The following CAPRIN1 variants were observed in gnomAD, a reference collection of about 807,000 sequenced individuals.
CAPRIN1 encodes caprin-1.
A neutral mutation model predicts 100.9 loss-of-function variants in CAPRIN1; 29 were observed. The observed-to-expected ratio is 0.29, with a 90% CI of 0.21 to 0.39. CAPRIN1 has a LOEUF of 0.39. Ranked by LOEUF, CAPRIN1 falls within the 10% of genes least tolerant of loss-of-function variation. CAPRIN1 has a pLI of 1.00. For synonymous variants in CAPRIN1, 338 were observed against 307.5 expected (o/e 1.10, Z -1.04); for missense variants, 795 against 876.7 (o/e 0.91, Z 1.18).
At chr11:34,052,954 A>G (rs1850360257) in intron 2 of CAPRIN1, 1 of 1,195,022 alleles carries the variant, frequency 8.4e-7, no homozygotes, top group Non-Finnish European at 1.0e-6. Context: ...TGTCGTCAGG[A>G]CTTCACTGTA....
intron 2 of CAPRIN1, among the ~76,000 whole-genome samples, chr11:34,067,037 C>G (rs889509267): frequency 6.6e-6 from 1 of 150,960 alleles, no homozygotes; most frequent in East Asian, 2.0e-4. Flanking sequence ...TCAAGTGATT[C>G]TCGTGCCTCA....
At chr11:34,098,672 C>T (rs983744333) in intron 18 of CAPRIN1, 11 of 985,230 alleles carry the variant, frequency 1.1e-5, no homozygotes, top group African/African-American at 1.7e-5. Flanking sequence ...CTAGAAGTAT[C>T]AAAGGATGTT....
At position 34,085,744 on chromosome 11, in the gene CAPRIN1, C is replaced by T. The variant is rs147507192; in HGVS notation, c.967-320C>T. Among the ~76,000 whole-genome samples, 587 of 152,136 alleles carry T rather than the reference C, an allele frequency of 3.9e-3. 18 individuals are homozygous for T. The highest frequency in any genetic ancestry group is 0.033 in the Admixed American group (499 of 15,280). ...GCTTGAACCCGGGAGATGGATGTTG[C>T]AGTGAGTCGAGATCCCGCCACTGCT... On this transcript the variant is annotated intron_variant, in intron 9 of 18. Coordinates refer to ENST00000341394, the MANE Select transcript of CAPRIN1 (RefSeq NM_005898.5).
intron 7 of CAPRIN1, 42 bp from the exon 8 acceptor site, chr11:34,082,783 C>A: frequency 2.0e-6 from 3 of 1,503,602 alleles, no homozygotes; most frequent in Non-Finnish European, 2.8e-6. Flanking sequence ...GTATCACTGA[C>A]CTAAAAATCC....
At chr11:34,092,165 A>G in intron 15 of CAPRIN1, 109 bp downstream of exon 15, 1 of 1,078,402 alleles carries the variant, frequency 9.3e-7, no homozygotes, top group Non-Finnish European at 1.3e-6. Context: ...TTTCTGTTTT[A>G]GTAGCAGACC....
intron 6 of CAPRIN1, among the ~76,000 whole-genome samples, chr11:34,079,306 A>G (rs965479282): frequency 6.6e-6 from 1 of 152,174 alleles, no homozygotes; most frequent in African/African-American, 2.4e-5. Flanking sequence ...TGGCTGAGGA[A>G]CAAGAATTGC....
rs1462194049 is a variant in CAPRIN1 at position 34,090,224 on chromosome 11, C to T, written c.1339C>T (p.Pro447Ser). The T allele has an allele frequency of 3.7e-6, 6 of 1,613,920 alleles. No homozygotes were observed. The South Asian group carries it at 6.6e-5, about 18-fold the overall frequency. ...AAGTGAGGGGTACACAGCATCTCAA[C>T]CCTTGTACCAGCCTTCTCATGCTAC... ...STSEGYTASQPLYQPSHATEQ... is the reference protein window; with the variant it reads ...STSEGYTASQSLYQPSHATEQ... Residue 447 changes from proline (P) to serine (S), a missense_variant, in exon 13 of 19, where the codon CCC becomes TCC. Physicochemically the swap from Pro to Ser is moderately conservative, Grantham distance 74. Coordinates refer to ENST00000341394, the MANE Select transcript of CAPRIN1 (RefSeq NM_005898.5).
intron 2 of CAPRIN1, among the ~76,000 whole-genome samples, chr11:34,062,144 A>G (rs1247629805): frequency 6.6e-6 from 1 of 152,058 alleles, no homozygotes; most frequent in Non-Finnish European, 1.5e-5. Context: ...AAATTGAGGA[A>G]ACTTTTGCTT....
In CAPRIN1 at chr11:34,088,382, C is replaced by T. The variant is rs146485229; in HGVS notation, c.1232-1013C>T. On this transcript the variant is annotated intron_variant, in intron 11 of 18. Transcript: ENST00000341394. ...TTGGTTATGTTAACATATATTGAGC[C>T]GGGTATGGTAGCTCATGCCTGTAAT... 4.4e-3 allele frequency among the ~76,000 whole-genome samples: 667 copies of T among 152,158 alleles called. 6 individuals carry two copies. Among genetic ancestry groups the T allele is most frequent in the African/African-American group, 0.015 (622 of 41,496 alleles).
At chr11:34,066,691 TGCAGTG>T (rs146392079) in intron 2 of CAPRIN1, among the ~76,000 whole-genome samples, 15,425 of 151,552 alleles carry the variant, frequency 0.1, 835 homozygotes, top group African/African-American at 0.15. Context: ...CAGGCTGGAG[TGCAGTG>T]GCAGTGGCAT....
Position 34,099,517 on chromosome 11 carries a change from T to G in CAPRIN1, c.*150T>G. The G allele has an allele frequency of 1.5e-6, 1 of 663,368 alleles. No homozygotes were observed. The allele number at this position is 663,368 out of a possible 1,614,324, so 41.1% of individuals were successfully genotyped here. On this transcript the variant is annotated 3_prime_UTR_variant, in exon 19 of 19. Coordinates refer to ENST00000341394, the MANE Select transcript of CAPRIN1 (RefSeq NM_005898.5). ...TCATCCCATAAAGACAGGACTACAA[T>G]TGTCAGCTTTCTATTACCTGGATAT... is the stretch of plus-strand genomic sequence containing the variant.
At position 34,090,296 on chromosome 11, in the gene CAPRIN1, T is replaced by A. The variant is rs1851237177; in HGVS notation, c.1404+7T>A. On this transcript the variant is annotated splice_region_variant and intron_variant, in intron 13 of 18. Coordinates refer to ENST00000341394, the MANE Select transcript of CAPRIN1 (RefSeq NM_005898.5). ...ACCAATTGATCAGATTCAGGCAAGT[T>A]CTGTTACCGGGTCACATACATTTGA... is the stretch of plus-strand genomic sequence containing the variant. 1 of 1,584,120 alleles carries A rather than the reference T, an allele frequency of 6.3e-7. No individual in the cohort carries two copies. The highest frequency in any genetic ancestry group is 1.7e-4 in the Middle Eastern group (1 of 5,998).
chr11:34,084,323 T>G (rs1347568582), intron 9 of CAPRIN1, among the ~76,000 whole-genome samples: 1 of 152,028 alleles, frequency 6.6e-6, no homozygotes, highest in African/African-American at 2.4e-5. Flanking sequence ...ATTGGTAAGG[T>G]AAAGAGAGTA....
chr11:34,080,186 G>A (rs954688093), intron 7 of CAPRIN1, among the ~76,000 whole-genome samples: 10 of 152,138 alleles, frequency 6.6e-5, no homozygotes, highest in African/African-American at 2.4e-4. Flanking sequence ...GCCTCCCAAA[G>A]TGCTGAGATT....
At chr11:34,089,965 G>C (rs1479177942) in intron 12 of CAPRIN1, 1 of 327,100 alleles carries the variant, frequency 3.1e-6, no homozygotes. Flanking sequence ...AACGAGACTT[G>C]GGTTTATTTA....
chr11:34,077,385 T>C (rs531672153), intron 6 of CAPRIN1, among the ~76,000 whole-genome samples: 1 of 152,380 alleles, frequency 6.6e-6, no homozygotes, highest in East Asian at 1.9e-4. Flanking sequence ...TTAGTTTTTC[T>C]TTAGTTTGTC....
Position 34,099,428 on chromosome 11 carries a change from T to C in CAPRIN1, c.*61T>C, listed in dbSNP as rs1565100187. ...ACACTGGCCAGTGTACCATAATATG[T>C]TACCAGAAGAGTTATTATCTATTTG... On this transcript the variant is annotated 3_prime_UTR_variant, in exon 19 of 19. Coordinates refer to ENST00000341394, the MANE Select transcript of CAPRIN1 (RefSeq NM_005898.5). 1.5e-6 allele frequency: 2 copies of C among 1,316,972 alleles called. No individual in the cohort carries two copies. The highest frequency in any genetic ancestry group is 2.2e-6 in the Non-Finnish European group (2 of 911,180). 81.6% of individuals were successfully genotyped at this position (1,316,972 alleles called of 1,614,324 possible).
At chr11:34,067,018 C>T (rs888604876) in intron 2 of CAPRIN1, among the ~76,000 whole-genome samples, 2 of 151,410 alleles carry the variant, frequency 1.3e-5, no homozygotes, top group Admixed American at 6.6e-5. Flanking sequence ...TAGTCTCCAC[C>T]TCCTGGGTTC....
intron 2 of CAPRIN1, among the ~76,000 whole-genome samples, chr11:34,070,949 A>C (rs1850794481): frequency 6.6e-6 from 1 of 152,028 alleles, no homozygotes; most frequent in Non-Finnish European, 1.5e-5. Flanking sequence ...TGATCCGCCC[A>C]CCTTGGCCTC....
Sources: allele counts gnomAD v4.1 joint callset (sites outside exome capture counted in the v4.1 genomes callset), GRCh38; gene constraint gnomAD v4.1.1; transcripts MANE v1.5; gene names NCBI Gene and HGNC (gene_info 2026-07-23, HGNC 2026-07-21).